The following PARD3B variants were observed in gnomAD, a reference collection of about 807,000 sequenced individuals.
The protein encoded by PARD3B is par-3 family cell polarity regulator beta.
In PARD3B, 103 loss-of-function variants were observed where a neutral mutation model predicts 130.2. The observed-to-expected ratio is 0.79, with a 90% CI of 0.67 to 0.93. The LOEUF is 0.93. Ranked by LOEUF, PARD3B falls within the 40% of genes least tolerant of loss-of-function variation. PARD3B has a pLI of 0.00. For missense variants in PARD3B, 1,609 were observed against 1,499.2 expected (o/e 1.07, Z -1.21); for synonymous variants, 583 against 553.2 (o/e 1.05, Z -0.76).
chr2:205,323,322 T>C (rs1169797415), intron 18 of PARD3B, among the ~76,000 whole-genome samples: 1 of 152,196 alleles, frequency 6.6e-6, no homozygotes, highest in Non-Finnish European at 1.5e-5. Context: ...TCAGGGTTAA[T>C]GGTAAAGACA....
At position 205,027,407 on chromosome 2, in the gene PARD3B, G is replaced by T. The variant is rs563001882; in HGVS notation, c.395-20174G>T. Among the ~76,000 whole-genome samples the T allele has an allele frequency of 3.3e-5, 5 of 152,114 alleles. No individual in the cohort carries two copies. In the East Asian group the frequency reaches 9.7e-4, roughly 29 times the overall value. On this transcript the variant is annotated intron_variant, in intron 3 of 22. Transcript: ENST00000406610. ...TGTCCTTTGCCCATTATTAAATCTG[G>T]TTATTTGTTTTTTGATATTGAGCTG...
At chr2:205,504,445 A>C (rs999940744) in intron 21 of PARD3B, among the ~76,000 whole-genome samples, 2 of 152,226 alleles carry the variant, frequency 1.3e-5, no homozygotes, top group African/African-American at 4.8e-5. Flanking sequence ...CTACCATCAG[A>C]GTGAACAGGC....
At chr2:204,580,000 G>C (rs977301340) in intron 1 of PARD3B, among the ~76,000 whole-genome samples, 3 of 152,200 alleles carry the variant, frequency 2.0e-5, no homozygotes, top group Admixed American at 6.5e-5. Context: ...ACAGTGATGT[G>C]TGTAATTTGA....
At chr2:205,455,321 A>G (rs970694028) in intron 20 of PARD3B, among the ~76,000 whole-genome samples, 10 of 152,142 alleles carry the variant, frequency 6.6e-5, no homozygotes, top group African/African-American at 2.4e-4. Flanking sequence ...GATGCTAAGA[A>G]CAGATTCCAA....
At chr2:205,138,871 C>T (rs938429504) in intron 10 of PARD3B, among the ~76,000 whole-genome samples, 3 of 152,204 alleles carry the variant, frequency 2.0e-5, no homozygotes, top group Non-Finnish European at 4.4e-5. Context: ...GCTACCTCTT[C>T]GACCCCTGCC....
intron 20 of PARD3B, among the ~76,000 whole-genome samples, chr2:205,494,349 CCT>C (rs2049847452): frequency 6.6e-6 from 1 of 152,128 alleles, no homozygotes; most frequent in African/African-American, 2.4e-5. Context: ...TGACCACCTC[CCT>C]CTCATTCAGT....
intron 22 of PARD3B, among the ~76,000 whole-genome samples, chr2:205,582,685 T>C: frequency 6.6e-6 from 1 of 150,672 alleles, no homozygotes; most frequent in East Asian, 1.9e-4. Context: ...TTTTTTTTCC[T>C]ACGTGTCTAG....
intron 15 of PARD3B, among the ~76,000 whole-genome samples, chr2:205,240,390 A>G (rs2039299314): frequency 6.6e-6 from 1 of 152,280 alleles, no homozygotes; most frequent in South Asian, 2.1e-4. Context: ...TATTGTGCCA[A>G]ACATCAACTT....
intron 15 of PARD3B, among the ~76,000 whole-genome samples, chr2:205,242,512 C>T (rs1382813270): frequency 2.0e-5 from 3 of 152,076 alleles, no homozygotes; most frequent in Non-Finnish European, 4.4e-5. Flanking sequence ...GCCTTTCTTC[C>T]ACTGCAGGAT....
chr2:204,777,658 A>G (rs2041679594), intron 2 of PARD3B, among the ~76,000 whole-genome samples: 1 of 152,066 alleles, frequency 6.6e-6, no homozygotes, highest in Non-Finnish European at 1.5e-5. Context: ...GGTCCCAGCT[A>G]CTTGGGCAGC....
chr2:204,750,718 A>T (rs567591275), intron 2 of PARD3B, among the ~76,000 whole-genome samples: 2 of 152,182 alleles, frequency 1.3e-5, no homozygotes, highest in East Asian at 3.9e-4. Flanking sequence ...ATATTTAGTA[A>T]TTTGTTTTTC....
chr2:205,490,355 C>T lies in PARD3B; in HGVS notation c.3045-9541C>T, dbSNP rs1488840538. 3.3e-5 allele frequency among the ~76,000 whole-genome samples: 5 copies of T among 151,588 alleles called. No individual in the cohort carries two copies. The South Asian group carries it at 8.4e-4, about 25-fold the overall frequency. ...TTCAATTCCCACCTATGAGCGAGAA[C>T]GTGCGGTGTTTAGTTTTCTGTCCTG... On this transcript the variant is annotated intron_variant, in intron 20 of 22. Transcript: ENST00000406610.
intron 2 of PARD3B, among the ~76,000 whole-genome samples, chr2:204,877,913 A>C (rs1046600183): frequency 1.3e-5 from 2 of 152,238 alleles, no homozygotes; most frequent in African/African-American, 4.8e-5. Context: ...GTATGTTCTT[A>C]GAACTGAGTA....
chr2:205,052,777 T>C (rs1699316917), intron 4 of PARD3B, among the ~76,000 whole-genome samples: 1 of 152,182 alleles, frequency 6.6e-6, no homozygotes, highest in Admixed American at 6.6e-5. Flanking sequence ...ATCACCTGTT[T>C]ACATGACACA....
intron 2 of PARD3B, among the ~76,000 whole-genome samples, chr2:204,902,005 C>G (rs560618450): frequency 6.6e-6 from 1 of 152,130 alleles, no homozygotes; most frequent in Non-Finnish European, 1.5e-5. Flanking sequence ...TCTTCCCCTC[C>G]TCTCCTCAAG....
At chr2:205,445,450 C>T (rs1027790833) in intron 20 of PARD3B, among the ~76,000 whole-genome samples, 1 of 152,086 alleles carries the variant, frequency 6.6e-6, no homozygotes, top group Admixed American at 6.6e-5. Flanking sequence ...AACTTTCAAT[C>T]GTGGCAGAAG....
chr2:205,113,393 G>GGTGTGTGT lies in PARD3B; in HGVS notation c.594-75_594-68dup, dbSNP rs3217407. 1,224 of 571,630 alleles carry GGTGTGTGT rather than the reference G, an allele frequency of 2.1e-3. 16 individuals carry two copies. Among genetic ancestry groups the GGTGTGTGT allele is most frequent in the African/African-American group, 0.02 (869 of 43,492 alleles). The allele number at this position is 571,630 out of a possible 1,614,324, so 35.4% of individuals were successfully genotyped here. On this transcript the variant is annotated intron_variant, in intron 5 of 22. Transcript: ENST00000406610. ...ATTAGTTGATATAATCCTGAGCAGG[G>GGTGTGTGT]GTGTGTGTGTGTGTGTGTGTGTGTG...
rs766707171 is a variant in PARD3B, at chr2:205,121,743, C to G, written c.959C>G (p.Pro320Arg). 6.2e-7 allele frequency: 1 copy of G among 1,614,004 alleles called. No homozygotes were observed. The change falls in exon 8 of 23, where the codon CCT becomes CGT. Residue 320 changes from proline (P) to arginine (R), a missense_variant. Transcript: ENST00000406610. The surrounding 1 kb of genome is among the most constrained non-coding windows in gnomAD (Gnocchi z 5.0). ...GGCGTTTTGAAAACCAAAGTGCCGC[C>G]TCCTGTCCATGGAAAATCGGGACTA... ...NDGVLKTKVP[P>R]PVHGKSGLKT...
At chr2:205,526,826 C>G (rs1198236276) in intron 21 of PARD3B, among the ~76,000 whole-genome samples, 1 of 152,146 alleles carries the variant, frequency 6.6e-6, no homozygotes, top group African/African-American at 2.4e-5. Context: ...CTTTATTTTG[C>G]TGTTTAGAAA....
Sources: gnomAD v4.1 joint callset for allele counts (sites outside exome capture counted in the v4.1 genomes callset) on GRCh38, gnomAD v4.1.1 for gene constraint, Gnocchi (gnomAD v3.1) non-coding constraint, MANE v1.5 for transcripts, NCBI Gene and HGNC (gene_info 2026-07-23, HGNC 2026-07-21) for gene names.